Variants in KDM1A observed in about 807,000 individuals in gnomAD.
The protein encoded by KDM1A is lysine demethylase 1A.
A neutral mutation model predicts 109.4 loss-of-function variants in KDM1A; 49 were observed. The ratio of observed to expected loss-of-function variants is 0.45; its 90% confidence interval spans 0.36 to 0.57. The LOEUF is 0.57. Among genes scored for constraint, KDM1A ranks in the 20% least tolerant of loss-of-function variants. The pLI is 0.00. For missense variants in KDM1A, 668 were observed against 1,116.6 expected (o/e 0.60, Z 5.73); for synonymous variants, 380 against 415.4 (o/e 0.91, Z 1.04).
chr1:23,045,264 C>G (rs1277737609), intron 3 of KDM1A, among the ~76,000 whole-genome samples: 1 of 152,220 alleles, frequency 6.6e-6, no homozygotes, highest in African/African-American at 2.4e-5. Context: ...GGAATAGGCA[C>G]TACTTCACTT....
In KDM1A at chr1:23,042,440, A is replaced by AT. The variant is rs769149894; in HGVS notation, c.518-1957dup. The stretch of plus-strand genomic sequence containing the variant: ...TTTTTAAAAATCTATGAAATATATT[A>AT]TTTTTTTTTTTTTTTTTTTTTTTTT... On this transcript the variant is annotated intron_variant, in intron 2 of 20. Transcript: ENST00000400181. Among the ~76,000 whole-genome samples, 54 of 21,566 alleles carry AT rather than the reference A, an allele frequency of 2.5e-3. 3 individuals carry two copies. The highest frequency in any genetic ancestry group is 3.1e-3 in the African/African-American group (19 of 6,144). 14.1% of individuals were successfully genotyped at this position (21,566 alleles called of 152,430 possible).
intron 3 of KDM1A, 29 bp downstream of exon 3, chr1:23,044,515 T>A: frequency 6.4e-7 from 1 of 1,571,834 alleles, no homozygotes; most frequent in Non-Finnish European, 8.6e-7. Flanking sequence ...GCTTGCCACT[T>A]AGTAGCAAGA....
At chr1:23,081,910 T>C (rs992047304) in intron 19 of KDM1A, 5 of 420,392 alleles carry the variant, frequency 1.2e-5, no homozygotes, top group African/African-American at 9.9e-5. Context: ...TTCTTTGAAA[T>C]ACTTTAACCC....
intron 16 of KDM1A, among the ~76,000 whole-genome samples, chr1:23,077,755 G>A (rs531882227): frequency 6.6e-6 from 1 of 152,220 alleles, no homozygotes; most frequent in Non-Finnish European, 1.5e-5. Flanking sequence ...TAAATACCAG[G>A]ATTTTGGCCC....
chr1:23,069,009 T>C (rs1017616066), intron 11 of KDM1A, 52 bp from the exon 12 acceptor site: 1 of 1,281,928 alleles, frequency 7.8e-7, no homozygotes, highest in Non-Finnish European at 1.1e-6. Context: ...GGCACCTGTC[T>C]TATTCTGCAA....
At chr1:23,081,594 A>G in intron 19 of KDM1A, 21 bp downstream of exon 19, 1 of 1,613,894 alleles carries the variant, frequency 6.2e-7, no homozygotes, top group Non-Finnish European at 8.5e-7. Context: ...AGGTGGGGCA[A>G]GGAGGGATCT....
intron 2 of KDM1A, among the ~76,000 whole-genome samples, chr1:23,033,850 G>A (rs1209202720): frequency 1.3e-5 from 2 of 152,152 alleles, no homozygotes; most frequent in Non-Finnish European, 2.9e-5. Flanking sequence ...TTGAGCAAGG[G>A]GGGTTACACT....
At chr1:23,043,140 T>G (rs996909913) in intron 2 of KDM1A, among the ~76,000 whole-genome samples, 2 of 152,250 alleles carry the variant, frequency 1.3e-5, no homozygotes, top group Admixed American at 1.3e-4. Flanking sequence ...ATGTAGGACC[T>G]ATATTTTCAA....
chr1:23,050,364 A>T (rs770504122), intron 3 of KDM1A, 23 bp from the exon 4 acceptor site: 4 of 1,589,144 alleles, frequency 2.5e-6, no homozygotes, highest in Non-Finnish European at 3.4e-6. Context: ...CTTTTCCTAG[A>T]TGTCCTTTGC....
intron 1 of KDM1A, among the ~76,000 whole-genome samples, chr1:23,025,177 A>G (rs1449000343): frequency 2.6e-5 from 4 of 152,246 alleles, no homozygotes; most frequent in African/African-American, 9.6e-5. Context: ...TAGCTACATT[A>G]TAAGTGCTCA....
chr1:23,025,871 C>A (rs1032294611), intron 1 of KDM1A, among the ~76,000 whole-genome samples: 1 of 151,998 alleles, frequency 6.6e-6, no homozygotes, highest in Non-Finnish European at 1.5e-5. Flanking sequence ...GTGGACAGAT[C>A]GATTGAGCCC....
At chr1:23,078,815 C>T (rs1040499501) in intron 16 of KDM1A, among the ~76,000 whole-genome samples, 175 bp from the exon 17 acceptor site, 2 of 152,062 alleles carry the variant, frequency 1.3e-5, no homozygotes, top group African/African-American at 4.8e-5. Context: ...ACGTGTGTAG[C>T]CTTAGATGAG....
intron 1 of KDM1A, among the ~76,000 whole-genome samples, chr1:23,028,685 T>A (rs2124362957): frequency 6.6e-6 from 1 of 152,208 alleles, no homozygotes; most frequent in East Asian, 1.9e-4. Flanking sequence ...TTCTGACTTC[T>A]CTCCCCCTTT....
chr1:23,059,322 G>A lies in KDM1A; in HGVS notation c.1167+155G>A, dbSNP rs776260695. The A allele has an allele frequency of 1.1e-5, 8 of 720,520 alleles. No individual in the cohort carries two copies. In the Admixed American group the frequency reaches 1.3e-4, roughly 12 times the overall value. 44.6% of individuals were successfully genotyped at this position (720,520 alleles called of 1,614,324 possible). On this transcript the variant is annotated intron_variant, in intron 9 of 20. Coordinates refer to ENST00000400181, the MANE Select transcript of KDM1A (RefSeq NM_001009999.3). ...GAGATGATGTGATGTTATTCTGGTTGTTTCTTAACTCTTGAGCTATGTAGG... is the reference window on the plus strand; with the variant it reads ...GAGATGATGTGATGTTATTCTGGTTATTTCTTAACTCTTGAGCTATGTAGG...
rs1409731060 is a variant in KDM1A, at chr1:23,073,316, C to T, written c.1647C>T (p.Asp549=). 9.4e-6 allele frequency: 15 copies of T among 1,599,624 alleles called. No individual in the cohort carries two copies. Among genetic ancestry groups the T allele is most frequent in the Non-Finnish European group, 1.3e-5 (15 of 1,167,484 alleles). Residue 549 remains aspartate, a synonymous_variant, in exon 15 of 21, where the codon GAC becomes GAT. Coordinates refer to ENST00000400181, the MANE Select transcript of KDM1A (RefSeq NM_001009999.3). The part of the protein sequence containing the change: ...PPSDVYLSSR[D]RQILDWHFAN... Reference sequence around the variant, plus strand: ...GTGATGTATATCTCTCATCAAGAGACAGACAAATACTTGATTGGCATTTTG... The same window carrying T: ...GTGATGTATATCTCTCATCAAGAGATAGACAAATACTTGATTGGCATTTTG...
At chr1:23,022,611 A>G (rs1156458126) in intron 1 of KDM1A, among the ~76,000 whole-genome samples, 1 of 138,172 alleles carries the variant, frequency 7.2e-6, no homozygotes, top group Non-Finnish European at 1.5e-5. Flanking sequence ...AAGTGCTGGG[A>G]TTACAGGCAT....
intron 2 of KDM1A, among the ~76,000 whole-genome samples, chr1:23,042,457 T>TTTTTTTTTG (rs1557528834): frequency 8.9e-5 from 10 of 111,768 alleles, no homozygotes; most frequent in African/African-American, 3.3e-4. Context: ...TTTTTTTTTT[T>TTTTTTTTTG]TTTTTTTTTT....
chr1:23,047,688 C>G (rs1642541642), intron 3 of KDM1A, among the ~76,000 whole-genome samples: 1 of 152,044 alleles, frequency 6.6e-6, no homozygotes, highest in Non-Finnish European at 1.5e-5. Flanking sequence ...ATCGCTTGAG[C>G]TCAAGAGTTT....
At chr1:23,053,877 T>C (rs1296806732) in intron 5 of KDM1A, 38 bp downstream of exon 5, 3 of 1,086,110 alleles carry the variant, frequency 2.8e-6, no homozygotes, top group African/African-American at 3.1e-5. Context: ...TTGTACTGGA[T>C]TGTGAAAATT....
Sources: gnomAD v4.1 joint callset for allele counts (sites outside exome capture counted in the v4.1 genomes callset) on GRCh38, gnomAD v4.1.1 for gene constraint, MANE v1.5 for transcripts, NCBI Gene and HGNC (gene_info 2026-07-23, HGNC 2026-07-21) for gene names.